The following LHFPL6 variants were observed in gnomAD, a reference collection of about 807,000 sequenced individuals.
The protein encoded by LHFPL6 is LHFPL tetraspan subfamily member 6 protein.
A neutral mutation model predicts 20.6 loss-of-function variants in LHFPL6; 9 were observed. The observed-to-expected ratio is 0.44, with a 90% confidence interval of 0.26 to 0.76. The LOEUF (loss-of-function observed/expected upper bound fraction) is 0.76, where lower values mean the gene tolerates loss of function less well. Among genes scored for constraint, LHFPL6 ranks in the 30% least tolerant of loss-of-function variants. LHFPL6 has a pLI of 0.20. For synonymous variants in LHFPL6, 105 were observed against 98.7 expected (o/e 1.06, Z -0.38); for missense variants, 218 against 253.5 (o/e 0.86, Z 0.95).
At chr13:39,436,729 T>G (rs1227602548) in intron 2 of LHFPL6, among the ~76,000 whole-genome samples, 1 of 152,244 alleles carries the variant, frequency 6.6e-6, no homozygotes, top group Non-Finnish European at 1.5e-5. Flanking sequence ...GTTTGTGTGG[T>G]CACACCTGTT....
In LHFPL6 at chr13:39,600,988, T is replaced by G; in HGVS notation, c.229A>C (p.Ile77Leu). ...ECGRYASFQG[I>L]PSAEWRICTI... Reference sequence around the variant, plus strand: ...CAGATCCTCCATTCTGCGCTGGGGATGCCCTGGAAGGAGGCATAGCGCCCA... The same window carrying G: ...CAGATCCTCCATTCTGCGCTGGGGAGGCCCTGGAAGGAGGCATAGCGCCCA... The change falls in exon 2 of 4, where the codon ATC becomes CTC. Residue 77 changes from isoleucine to leucine, a missense_variant. Physicochemically the swap from Ile to Leu is conservative, Grantham distance 5. Coordinates refer to ENST00000379589, the MANE Select transcript of LHFPL6 (RefSeq NM_005780.3). The G allele has an allele frequency of 1.2e-6, 2 of 1,613,844 alleles. No individual in the cohort carries two copies. Among genetic ancestry groups the G allele is most frequent in the South Asian group, 2.2e-5 (2 of 91,046 alleles).
intron 2 of LHFPL6, among the ~76,000 whole-genome samples, chr13:39,490,278 T>C (rs998233504): frequency 6.6e-6 from 1 of 152,160 alleles, no homozygotes; most frequent in African/African-American, 2.4e-5. Flanking sequence ...CAGGAATCTC[T>C]CTCTTAGAGA....
chr13:39,510,618 G>C (rs536692044), intron 2 of LHFPL6, among the ~76,000 whole-genome samples: 1 of 152,088 alleles, frequency 6.6e-6, no homozygotes, highest in Non-Finnish European at 1.5e-5. Context: ...TCAATCAAGA[G>C]ATCAGAACAC....
At chr13:39,487,900 C>G (rs1269583598) in intron 2 of LHFPL6, among the ~76,000 whole-genome samples, 1 of 152,148 alleles carries the variant, frequency 6.6e-6, no homozygotes, top group African/African-American at 2.4e-5. Context: ...ATAAAATTAG[C>G]CGGGCATGGT....
chr13:39,484,117 A>C (rs1300971112), intron 2 of LHFPL6, among the ~76,000 whole-genome samples: 1 of 152,120 alleles, frequency 6.6e-6, no homozygotes, highest in Non-Finnish European at 1.5e-5. Flanking sequence ...CATTCACGTG[A>C]CAATCATTTC....
chr13:39,360,273 C>T (rs1869844105), intron 3 of LHFPL6, among the ~76,000 whole-genome samples: 1 of 98,002 alleles, frequency 1.0e-5, no homozygotes, highest in South Asian at 3.5e-4. Flanking sequence ...CCTGCCTCAG[C>T]CTCCCAAAGT....
At chr13:39,406,493 T>C (rs553833368) in intron 2 of LHFPL6, among the ~76,000 whole-genome samples, 11 of 152,296 alleles carry the variant, frequency 7.2e-5, no homozygotes, top group African/African-American at 2.4e-4. Flanking sequence ...CTTAATTGCC[T>C]CAATTGTTTG....
chr13:39,468,644 T>C (rs989167339), intron 2 of LHFPL6, among the ~76,000 whole-genome samples: 2 of 152,188 alleles, frequency 1.3e-5, no homozygotes, highest in African/African-American at 4.8e-5. Flanking sequence ...GGATTATTCA[T>C]ATCCCCAGGA....
intron 2 of LHFPL6, among the ~76,000 whole-genome samples, chr13:39,465,313 C>G (rs554822767): frequency 6.6e-6 from 1 of 152,186 alleles, no homozygotes; most frequent in African/African-American, 2.4e-5. Flanking sequence ...GCATGCCAAC[C>G]TATCATTAAC....
At chr13:39,419,025 T>C (rs1871416185) in intron 2 of LHFPL6, among the ~76,000 whole-genome samples, 1 of 152,216 alleles carries the variant, frequency 6.6e-6, no homozygotes, top group East Asian at 1.9e-4. Flanking sequence ...TTTTATAATA[T>C]TTATTTTTTA....
chr13:39,360,152 C>G (rs535009208), intron 3 of LHFPL6, among the ~76,000 whole-genome samples: 1 of 97,106 alleles, frequency 1.0e-5, no homozygotes, highest in Admixed American at 1.2e-4. Flanking sequence ...TCCAGAGTAG[C>G]TGGGATTACA....
In LHFPL6 at chr13:39,531,638, CT is replaced by C. The variant is rs367701004; in HGVS notation, c.385+69193del. 2.2e-4 allele frequency among the ~76,000 whole-genome samples: 33 copies of C among 152,284 alleles called. No homozygotes were observed. In the East Asian group the frequency reaches 6.2e-3, roughly 29 times the overall value. ...TCCTCAGACTTCAGGTAGATTCCTT[CT>C]AAGATCCGCAGCTTCCCATCAGCCC... On this transcript the variant is annotated intron_variant, in intron 2 of 3. Coordinates refer to ENST00000379589, the MANE Select transcript of LHFPL6 (RefSeq NM_005780.3).
intron 2 of LHFPL6, among the ~76,000 whole-genome samples, chr13:39,557,294 C>T (rs941565962): frequency 2.0e-5 from 3 of 152,208 alleles, no homozygotes; most frequent in Non-Finnish European, 2.9e-5. Context: ...CCACTTTAGA[C>T]GGGGCGAGCC....
Position 39,370,228 on chromosome 13 carries a change from G to C in LHFPL6, c.484+8200C>G, listed in dbSNP as rs147495782. On this transcript the variant is annotated intron_variant, in intron 3 of 3. Transcript: ENST00000379589. ...CTCCCTTGGACGCGGAAGTTTCCCT[G>C]CATCATTTGGAGCCAAGTTCCTGAG... is the stretch of plus-strand genomic sequence containing the variant. Among the ~76,000 whole-genome samples, 1,005 of 152,250 alleles carry C rather than the reference G, an allele frequency of 6.6e-3. 16 individuals carry two copies. Among genetic ancestry groups the C allele is most frequent in the African/African-American group, 0.023 (957 of 41,550 alleles).
chr13:39,408,669 A>AAAT (rs1871177442), intron 2 of LHFPL6, among the ~76,000 whole-genome samples: 1 of 152,242 alleles, frequency 6.6e-6, no homozygotes, highest in Non-Finnish European at 1.5e-5. Context: ...GAGCCTTTGA[A>AAAT]AATAAAAGTC....
At chr13:39,492,737 T>G (rs1018746366) in intron 2 of LHFPL6, among the ~76,000 whole-genome samples, 1 of 152,136 alleles carries the variant, frequency 6.6e-6, no homozygotes, top group African/African-American at 2.4e-5. Flanking sequence ...TGATCTCAGC[T>G]CACTGCAACC....
chr13:39,541,682 A>G (rs1259456882), intron 2 of LHFPL6, among the ~76,000 whole-genome samples: 1 of 152,158 alleles, frequency 6.6e-6, no homozygotes, highest in East Asian at 1.9e-4. Flanking sequence ...CTATGTGTCT[A>G]TTCCATCTCT....
chr13:39,380,386 T>C (rs1870406912), intron 2 of LHFPL6, among the ~76,000 whole-genome samples: 1 of 152,000 alleles, frequency 6.6e-6, no homozygotes, highest in South Asian at 2.1e-4. Context: ...TGTTAGGAAA[T>C]GGGCCACAGA....
chr13:39,395,578 A>G (rs1870820713), intron 2 of LHFPL6, among the ~76,000 whole-genome samples: 1 of 152,190 alleles, frequency 6.6e-6, no homozygotes, highest in African/African-American at 2.4e-5. Context: ...CAAGAGTTCC[A>G]TCACTCCGGG....
Sources: allele counts gnomAD v4.1 joint callset (sites outside exome capture counted in the v4.1 genomes callset), GRCh38; gene constraint gnomAD v4.1.1; transcripts MANE v1.5; gene names NCBI Gene and HGNC (gene_info 2026-07-23, HGNC 2026-07-21).